GRIK2: variants seen among roughly 807,000 people sequenced by gnomAD.
GRIK2 encodes glutamate ionotropic receptor kainate type subunit 2, also known as glutamate receptor ionotropic, kainate 2.
In GRIK2, 32 loss-of-function variants were observed where a neutral mutation model predicts 100.3. That is an observed-to-expected ratio of 0.32 (90% confidence interval 0.24 to 0.43). The LOEUF (loss-of-function observed/expected upper bound fraction) is 0.43. Among genes scored for constraint, GRIK2 ranks in the 20% least tolerant of loss-of-function variants. The probability of loss-of-function intolerance (pLI) is 1.00; values close to 1 mark genes in which losing one functional copy is unlikely to be tolerated. For missense variants in GRIK2, 843 were observed against 1,114.9 expected (o/e 0.76, Z 3.47); for synonymous variants, 417 against 389.4 (o/e 1.07, Z -0.83).
At chr6:101,438,962 T>G (rs1769890874) in intron 2 of GRIK2, among the ~76,000 whole-genome samples, 1 of 152,118 alleles carries the variant, frequency 6.6e-6, no homozygotes, top group African/African-American at 2.4e-5. Context: ...ATAGAACTAA[T>G]GAGGTTTGTT....
At chr6:102,021,071 A>C (rs1055979910) in intron 14 of GRIK2, among the ~76,000 whole-genome samples, 2 of 151,846 alleles carry the variant, frequency 1.3e-5, no homozygotes, top group Non-Finnish European at 2.9e-5. Context: ...GATGGTAAGA[A>C]ACATTCTAAT....
intron 2 of GRIK2, among the ~76,000 whole-genome samples, chr6:101,443,693 C>A (rs1357650824): frequency 6.6e-6 from 1 of 151,846 alleles, no homozygotes; most frequent in African/African-American, 2.4e-5. Flanking sequence ...TGAATATGTG[C>A]ATATATTTGG....
At chr6:101,695,339 A>G (rs566995687) in intron 7 of GRIK2, among the ~76,000 whole-genome samples, 6 of 152,216 alleles carry the variant, frequency 3.9e-5, no homozygotes, top group South Asian at 2.1e-4. Context: ...AATCTCTTTC[A>G]TGAGTGCTTA....
chr6:101,686,531 A>G (rs1000161262), intron 7 of GRIK2, among the ~76,000 whole-genome samples, 178 bp downstream of exon 7: 4 of 152,178 alleles, frequency 2.6e-5, no homozygotes, highest in African/African-American at 9.6e-5. Flanking sequence ...TCAATTTTAT[A>G]TGAAAAGCTT....
At chr6:101,871,436 A>G (rs566396458) in intron 11 of GRIK2, among the ~76,000 whole-genome samples, 1 of 151,398 alleles carries the variant, frequency 6.6e-6, no homozygotes, top group Non-Finnish European at 1.5e-5. Context: ...TTAGATGGCT[A>G]TGTTGTGTGA....
At chr6:101,920,501 G>A (rs932585817) in intron 12 of GRIK2, among the ~76,000 whole-genome samples, 1 of 151,880 alleles carries the variant, frequency 6.6e-6, no homozygotes, top group Non-Finnish European at 1.5e-5. Context: ...TTTTAGCTGG[G>A]CATCAATGTT....
At chr6:101,874,378 G>T (rs1367986346) in intron 11 of GRIK2, among the ~76,000 whole-genome samples, 1 of 151,940 alleles carries the variant, frequency 6.6e-6, no homozygotes, top group Non-Finnish European at 1.5e-5. Context: ...TCTTGTTTTT[G>T]TCAGGTTTGT....
chr6:101,794,323 A>T (rs1056578295), intron 7 of GRIK2, among the ~76,000 whole-genome samples: 1 of 152,010 alleles, frequency 6.6e-6, no homozygotes, highest in East Asian at 1.9e-4. Context: ...GGAGCTGTAG[A>T]CCGGAGCTGT....
chr6:101,531,503 A>G (rs1384680953), intron 2 of GRIK2, among the ~76,000 whole-genome samples: 3 of 151,930 alleles, frequency 2.0e-5, no homozygotes, highest in African/African-American at 4.8e-5. Flanking sequence ...AAGTCCTCAA[A>G]GGAGACTGTA....
rs9322618 is a variant in GRIK2 at position 101,915,129 on chromosome 6, C to T, written c.1749-9472C>T. Among the ~76,000 whole-genome samples, 1,152 of 151,356 alleles carry T rather than the reference C, an allele frequency of 7.6e-3. 18 individuals are homozygous for T. The highest frequency in any genetic ancestry group is 0.027 in the African/African-American group (1,115 of 41,378). On this transcript the variant is annotated intron_variant, in intron 12 of 16. Coordinates refer to ENST00000369134, the MANE Select transcript of GRIK2 (RefSeq NM_021956.5). ...ATGTACAATTAAAGAAAAAATGATA[C>T]GGGCTGTGTGACTCAAAACTAATGC...
intron 2 of GRIK2, among the ~76,000 whole-genome samples, chr6:101,446,357 T>A (rs1374992078): frequency 6.6e-6 from 1 of 151,980 alleles, no homozygotes; most frequent in Non-Finnish European, 1.5e-5. Context: ...TTTTTATCTA[T>A]GCAGCTCATC....
chr6:102,032,814 C>T (rs1183344796), intron 14 of GRIK2, among the ~76,000 whole-genome samples: 2 of 151,228 alleles, frequency 1.3e-5, no homozygotes, highest in African/African-American at 4.8e-5. Context: ...ATCTGGTTAT[C>T]CTTGGCTGTT....
intron 2 of GRIK2, among the ~76,000 whole-genome samples, chr6:101,612,162 G>C (rs1296499747): frequency 1.3e-5 from 2 of 151,852 alleles, no homozygotes; most frequent in Non-Finnish European, 2.9e-5. Flanking sequence ...GGAAGGCACT[G>C]AGGATGCTAG....
intron 2 of GRIK2, among the ~76,000 whole-genome samples, chr6:101,566,644 A>C (rs770910996): frequency 7.9e-5 from 12 of 151,584 alleles, no homozygotes; most frequent in Non-Finnish European, 1.8e-4. Flanking sequence ...AAAAAATTTC[A>C]AATATCATTA....
intron 2 of GRIK2, among the ~76,000 whole-genome samples, chr6:101,481,352 G>A (rs1772520078): frequency 6.6e-6 from 1 of 152,102 alleles, no homozygotes; most frequent in Non-Finnish European, 1.5e-5. Context: ...TATAATTAGA[G>A]TGACCATTAT....
rs1426047192 is a variant in GRIK2 at position 101,975,801 on chromosome 6, ATCTATCTG to A, written c.2085+47177_2085+47184del. ...TATCTGTCTGTCTGTCTGTCTATCTATCTATCTGTCTATCTATCTATCTATCTATCTAT... is the reference window on the plus strand; with the variant it reads ...TATCTGTCTGTCTGTCTGTCTATCTATCTATCTATCTATCTATCTATCTAT... On this transcript the variant is annotated intron_variant, in intron 14 of 16. Transcript: ENST00000369134. 5.0e-3 allele frequency among the ~76,000 whole-genome samples: 507 copies of A among 101,082 alleles called. 3 individuals are homozygous for A. Among genetic ancestry groups the A allele is most frequent in the African/African-American group, 0.018 (496 of 27,244 alleles). 66.3% of individuals were successfully genotyped at this position (101,082 alleles called of 152,430 possible).
intron 10 of GRIK2, among the ~76,000 whole-genome samples, chr6:101,857,367 G>C (rs959098120): frequency 2.0e-5 from 3 of 152,192 alleles, no homozygotes; most frequent in Admixed American, 6.5e-5. Flanking sequence ...TGTTTAGAAA[G>C]GGTCAGAATA....
At chr6:101,574,295 CTG>C (rs893213020) in intron 2 of GRIK2, among the ~76,000 whole-genome samples, 4 of 145,568 alleles carry the variant, frequency 2.7e-5, no homozygotes, top group Non-Finnish European at 4.5e-5. Flanking sequence ...TATATATACA[CTG>C]TATATATTTA....
chr6:101,801,256 T>A (rs1780650138), intron 8 of GRIK2, among the ~76,000 whole-genome samples: 1 of 152,138 alleles, frequency 6.6e-6, no homozygotes, highest in African/African-American at 2.4e-5. Context: ...CCATTTTGGT[T>A]AGTCACTTGA....
Sources: gnomAD v4.1 joint callset for allele counts (sites outside exome capture counted in the v4.1 genomes callset) on GRCh38, gnomAD v4.1.1 for gene constraint, MANE v1.5 for transcripts, NCBI Gene and HGNC (gene_info 2026-07-23, HGNC 2026-07-21) for gene names.